ARHGAP26: variants seen among roughly 807,000 people sequenced by gnomAD.
The protein encoded by ARHGAP26 is rho GTPase-activating protein 26.
In ARHGAP26, 38 loss-of-function variants were observed where a neutral mutation model predicts 104.8. The ratio of observed to expected loss-of-function variants is 0.36; its 90% CI spans 0.28 to 0.48. The LOEUF is 0.48. Among genes scored for constraint, ARHGAP26 ranks in the 20% least tolerant of loss-of-function variants. ARHGAP26 has a pLI of 0.99. For missense variants in ARHGAP26, 704 were observed against 947.9 expected, an observed-to-expected ratio of 0.74 and a Z score of 3.38; for synonymous variants, 341 against 340.0, an observed-to-expected ratio of 1.00 and a Z score of -0.03.
chr5:142,979,414 C>T (rs1773600920), intron 11 of ARHGAP26, among the ~76,000 whole-genome samples: 1 of 152,278 alleles, frequency 6.6e-6, no homozygotes, highest in South Asian at 2.1e-4. Context: ...AGTGAGTCTG[C>T]TCAGAAAGTG....
intron 11 of ARHGAP26, among the ~76,000 whole-genome samples, chr5:142,988,219 G>A (rs935373152): frequency 6.6e-6 from 1 of 152,194 alleles, no homozygotes; most frequent in Non-Finnish European, 1.5e-5. Flanking sequence ...TTAGTCTTGG[G>A]AGGGTGTATG....
Position 143,041,868 on chromosome 5 carries a change from G to C in ARHGAP26, c.1263G>C (p.Gln421His), listed in dbSNP as rs779872777. Residue 421 changes from glutamine (Q) to histidine (H), a missense_variant, in exon 14 of 23, where the codon CAG becomes CAC. Coordinates refer to ENST00000645722, the MANE Select transcript of ARHGAP26 (RefSeq NM_001135608.3). The part of the protein sequence containing the change: ...YRIVGVNSRV[Q>H]KLLSVLMDPK... ...TTGTGGGTGTCAACTCCAGAGTGCAGAAGTTGCTGAGTGTCCTGATGGGTG... is the reference window on the plus strand; with the variant it reads ...TTGTGGGTGTCAACTCCAGAGTGCACAAGTTGCTGAGTGTCCTGATGGGTG... The C allele has an allele frequency of 1.4e-5, 22 of 1,598,414 alleles. No homozygotes were observed. The highest frequency in any genetic ancestry group is 1.9e-5 in the Non-Finnish European group (22 of 1,172,060).
At chr5:143,176,500 T>C (rs1803497740) in intron 20 of ARHGAP26, among the ~76,000 whole-genome samples, 1 of 152,212 alleles carries the variant, frequency 6.6e-6, no homozygotes, top group African/African-American at 2.4e-5. Context: ...CTCCTCTGGT[T>C]CTTCTTCCTG....
At chr5:142,793,252 C>CTTTTTTTTTTTTTTTTTTTTT (rs56941301) in intron 1 of ARHGAP26, among the ~76,000 whole-genome samples, 6 of 107,172 alleles carry the variant, frequency 5.6e-5, no homozygotes, top group East Asian at 3.2e-4. Flanking sequence ...TATCCCTTTG[C>CTTTTTTTTTTTTTTTTTTTTT]TTTTTTTTTT....
intron 20 of ARHGAP26, among the ~76,000 whole-genome samples, chr5:143,164,045 C>CTT (rs543247118): frequency 9.1e-4 from 128 of 140,416 alleles, no homozygotes; most frequent in African/African-American, 2.9e-3. Flanking sequence ...TGTATTTGTT[C>CTT]TTTTTTTTTT....
At chr5:142,949,205 GAGAGAGAGAGAGAGAGGAGAGAGAGAGGA>G (rs1767814366) in intron 11 of ARHGAP26, among the ~76,000 whole-genome samples, 6 of 48,914 alleles carry the variant, frequency 1.2e-4, no homozygotes, top group African/African-American at 7.0e-4. Context: ...GAGAGAGAGA[GAGAGAGAGAGAGAGAGGAGAGAGAGAGGA>G]GAGAGAGAGA....
intron 14 of ARHGAP26, among the ~76,000 whole-genome samples, chr5:143,053,077 T>A (rs907856319): frequency 6.6e-6 from 1 of 152,222 alleles, no homozygotes; most frequent in East Asian, 1.9e-4. Flanking sequence ...CATTTCTGCT[T>A]ATCTTGTCTC....
chr5:142,821,153 G>A lies in ARHGAP26; in HGVS notation c.154+50238G>A, dbSNP rs193111886. Among the ~76,000 whole-genome samples the A allele has an allele frequency of 8.5e-5, 13 of 152,128 alleles. No individual in the cohort carries two copies. The East Asian group carries it at 2.5e-3, about 29-fold the overall frequency. On this transcript the variant is annotated intron_variant, in intron 1 of 22. Coordinates refer to ENST00000645722, the MANE Select transcript of ARHGAP26 (RefSeq NM_001135608.3). ...CCTTTTATTATCCCCTATCTTTAAG[G>A]CATCTTAACTATGTTTCTGTGGACC... is the stretch of plus-strand genomic sequence containing the variant.
At chr5:142,877,481 A>G (rs1302542221) in intron 3 of ARHGAP26, among the ~76,000 whole-genome samples, 1 of 152,118 alleles carries the variant, frequency 6.6e-6, no homozygotes, top group Non-Finnish European at 1.5e-5. Context: ...GCAGTGTTGG[A>G]ACCAAGTGGA....
rs752909183 is a variant in ARHGAP26 at position 143,228,768 on chromosome 5, G to A, written c.*6322G>A. 3.0e-5 allele frequency: 6 copies of A among 199,156 alleles called. No homozygotes were observed. The highest frequency in any genetic ancestry group is 1.9e-4 in the South Asian group (1 of 5,204). 12.3% of individuals were successfully genotyped at this position (199,156 alleles called of 1,614,324 possible). A position where few individuals can be genotyped will look rare whatever the true frequency, so the allele number is the denominator to read the frequency against. ...TGACTCGTGCATAGAATCCAATGCT[G>A]TAATTAGAAAGTAATCTGTGACTAG... On this transcript the variant is annotated 3_prime_UTR_variant, in exon 23 of 23. Coordinates refer to ENST00000645722, the MANE Select transcript of ARHGAP26 (RefSeq NM_001135608.3).
chr5:142,994,470 A>G (rs528010023), intron 11 of ARHGAP26, among the ~76,000 whole-genome samples: 1 of 152,298 alleles, frequency 6.6e-6, no homozygotes, highest in African/African-American at 2.4e-5. Context: ...AAAGGATTTG[A>G]GCAGAAGTGA....
At position 143,083,906 on chromosome 5, in the gene ARHGAP26, G is replaced by A. The variant is rs145991515; in HGVS notation, c.1538+26159G>A. Among the ~76,000 whole-genome samples, 721 of 152,306 alleles carry A rather than the reference G, an allele frequency of 4.7e-3. 6 individuals are homozygous for A. Among genetic ancestry groups the A allele is most frequent in the Non-Finnish European group, 5.3e-3 (360 of 68,022 alleles). On this transcript the variant is annotated intron_variant, in intron 17 of 22. Coordinates refer to ENST00000645722, the MANE Select transcript of ARHGAP26 (RefSeq NM_001135608.3). Reference sequence around the variant, plus strand: ...GAGATACTTCATTTGCAAAGGTTGAGTTTCAAGTCATTATATTACGTGTCA... The same window carrying A: ...GAGATACTTCATTTGCAAAGGTTGAATTTCAAGTCATTATATTACGTGTCA...
At chr5:142,945,187 G>A (rs1297158630) in intron 11 of ARHGAP26, among the ~76,000 whole-genome samples, 1 of 152,186 alleles carries the variant, frequency 6.6e-6, no homozygotes, top group Non-Finnish European at 1.5e-5. Flanking sequence ...GAGCTACCAT[G>A]TCTAACCAAT....
At chr5:143,074,542 A>G (rs74596044) in intron 17 of ARHGAP26, among the ~76,000 whole-genome samples, 4,252 of 152,350 alleles carry the variant, frequency 0.028, 188 homozygotes, top group African/African-American at 0.095. Context: ...TTCATGACAC[A>G]TGAACATTAT....
intron 17 of ARHGAP26, among the ~76,000 whole-genome samples, chr5:143,072,899 G>T (rs1182097712): frequency 6.6e-6 from 1 of 152,068 alleles, no homozygotes; most frequent in Admixed American, 6.5e-5. Context: ...GCCAGTAGGA[G>T]GATGTTGAAC....
chr5:143,099,828 A>T (rs536726467), intron 17 of ARHGAP26, among the ~76,000 whole-genome samples: 5 of 152,250 alleles, frequency 3.3e-5, no homozygotes, highest in Non-Finnish European at 5.9e-5. Context: ...TTGAGACCAT[A>T]AAATAGTTAT....
At chr5:142,978,391 C>T (rs1301696733) in intron 11 of ARHGAP26, among the ~76,000 whole-genome samples, 2 of 152,186 alleles carry the variant, frequency 1.3e-5, no homozygotes, top group Non-Finnish European at 2.9e-5. Context: ...GTACCTGTGT[C>T]CCCATCCAGA....
At chr5:143,013,821 ACTTG>A (rs1465720756) in intron 11 of ARHGAP26, among the ~76,000 whole-genome samples, 2 of 152,222 alleles carry the variant, frequency 1.3e-5, no homozygotes, top group Non-Finnish European at 2.9e-5. Context: ...ATATACATTT[ACTTG>A]CTTTCTTAAA....
intron 22 of ARHGAP26, among the ~76,000 whole-genome samples, chr5:143,219,306 A>G (rs1810832191): frequency 6.6e-6 from 1 of 152,240 alleles, no homozygotes; most frequent in Non-Finnish European, 1.5e-5. Flanking sequence ...CAACATGTCT[A>G]AAACTCCAAG....
Sources: gnomAD v4.1 joint callset for allele counts (sites outside exome capture counted in the v4.1 genomes callset) on GRCh38, gnomAD v4.1.1 for gene constraint, MANE v1.5 for transcripts, NCBI Gene and HGNC (gene_info 2026-07-23, HGNC 2026-07-21) for gene names.